The following CCDC125 variants were observed in gnomAD, a reference collection of about 807,000 sequenced individuals.
The protein encoded by CCDC125 is coiled-coil domain containing 125, also known as coiled-coil domain-containing protein 125.
A neutral mutation model predicts 57.4 loss-of-function variants in CCDC125; 43 were observed. That is an observed-to-expected ratio of 0.75 (90% CI 0.59 to 0.97). The LOEUF is 0.97. Among genes scored for constraint, CCDC125 ranks in the 50% least tolerant of loss-of-function variants. The pLI is 0.00. For synonymous variants in CCDC125, 187 were observed against 195.2 expected (o/e 0.96, Z 0.35); for missense variants, 563 against 595.7 (o/e 0.95, Z 0.57).
intron 1 of CCDC125, among the ~76,000 whole-genome samples, chr5:69,326,229 A>C (rs1760720666): frequency 6.6e-6 from 1 of 152,232 alleles, no homozygotes; most frequent in Admixed American, 6.5e-5. Context: ...TGAAATTAAC[A>C]TCAGAGTATA....
intron 1 of CCDC125, among the ~76,000 whole-genome samples, chr5:69,329,954 C>G (rs976719917): frequency 2.6e-5 from 4 of 152,206 alleles, no homozygotes; most frequent in African/African-American, 7.2e-5. Context: ...GAATAGATTA[C>G]AGTCTGTTAG....
At chr5:69,294,051 G>T in intron 9 of CCDC125, 3 of 636,536 alleles carry the variant, frequency 4.7e-6, no homozygotes, top group African/African-American at 2.0e-5. Context: ...AAATGGTGGA[G>T]CAAAGATGCA....
At chr5:69,288,424 C>G (rs1753858884) in intron 10 of CCDC125, among the ~76,000 whole-genome samples, 1 of 152,082 alleles carries the variant, frequency 6.6e-6, no homozygotes, top group Admixed American at 6.6e-5. Context: ...TGTACCGTGT[C>G]CATGTAATGA....
intron 8 of CCDC125, among the ~76,000 whole-genome samples, chr5:69,297,336 T>C (rs1318220479): frequency 6.6e-6 from 1 of 151,030 alleles, no homozygotes; most frequent in African/African-American, 2.5e-5. Context: ...CCACTGCGGC[T>C]GGCCTGTGCC....
At chr5:69,315,290 C>T (rs942792618) in intron 2 of CCDC125, among the ~76,000 whole-genome samples, 2 of 151,208 alleles carry the variant, frequency 1.3e-5, no homozygotes, top group Admixed American at 6.6e-5. Flanking sequence ...AGGCTGGGCA[C>T]GGTGGCTTAC....
At chr5:69,317,172 C>A (rs1000125340) in intron 2 of CCDC125, among the ~76,000 whole-genome samples, 1 of 152,042 alleles carries the variant, frequency 6.6e-6, no homozygotes, top group South Asian at 2.1e-4. Context: ...CCATGCCCAG[C>A]TAATTTTTTT....
chr5:69,300,510 A>T (rs964754737), intron 7 of CCDC125, among the ~76,000 whole-genome samples: 2 of 152,232 alleles, frequency 1.3e-5, no homozygotes, highest in African/African-American at 2.4e-5. Context: ...CATACCAGCT[A>T]TCCAAGCTCT....
chr5:69,306,213 C>T (rs1440854777), intron 6 of CCDC125, among the ~76,000 whole-genome samples: 1 of 151,890 alleles, frequency 6.6e-6, no homozygotes, highest in Non-Finnish European at 1.5e-5. Context: ...AGGTGTGAGC[C>T]ATCATGCCCA....
chr5:69,293,264 A>G (rs1199894888), intron 9 of CCDC125, among the ~76,000 whole-genome samples: 3 of 152,196 alleles, frequency 2.0e-5, no homozygotes, highest in Admixed American at 6.5e-5. Context: ...TCAGCCTCCC[A>G]AAGTGCTGAG....
rs1348902511 is a variant in CCDC125 at position 69,307,939 on chromosome 5, A to C, written c.531+12T>G. 6.2e-7 allele frequency: 1 copy of C among 1,603,238 alleles called. No homozygotes were observed. Among genetic ancestry groups the C allele is most frequent in the Non-Finnish European group, 8.5e-7 (1 of 1,170,216 alleles). On this transcript the variant is annotated intron_variant, in intron 5 of 11. Coordinates refer to ENST00000396496, the MANE Select transcript of CCDC125 (RefSeq NM_176816.5). ...TTGGATTCAATAAGTCTACACTAAA[A>C]GCACCAAATACCTTCTCCAAGGATC...
At chr5:69,307,880 T>C (rs1250386608) in intron 5 of CCDC125, 71 bp downstream of exon 5, 7 of 1,146,220 alleles carry the variant, frequency 6.1e-6, no homozygotes, top group South Asian at 3.7e-5. Context: ...TCCATTAGTA[T>C]GGTGAGTTTA....
intron 8 of CCDC125, among the ~76,000 whole-genome samples, chr5:69,298,445 G>A (rs985532598): frequency 7.9e-5 from 12 of 152,202 alleles, no homozygotes; most frequent in African/African-American, 2.9e-4. Flanking sequence ...TCACATCAGT[G>A]ATAACCGTGA....
At chr5:69,273,295 C>G in the CCDC125 span, among the ~76,000 whole-genome samples, 1 of 150,816 alleles carries the variant, frequency 6.6e-6, no homozygotes, top group African/African-American at 2.5e-5. Context: ...AAATACATGT[C>G]TATTTCACAT....
intron 3 of CCDC125, among the ~76,000 whole-genome samples, chr5:69,312,208 T>A (rs879430844): frequency 1.3e-5 from 2 of 152,318 alleles, no homozygotes; most frequent in East Asian, 1.9e-4. Context: ...GCTGGATTTC[T>A]GCAGCTACCA....
At chr5:69,321,562 G>A (rs191082446) in intron 1 of CCDC125, among the ~76,000 whole-genome samples, 1 of 152,332 alleles carries the variant, frequency 6.6e-6, no homozygotes, top group East Asian at 1.9e-4. Flanking sequence ...ACTGAATACT[G>A]TAGGAAATCG....
intron 11 of CCDC125, among the ~76,000 whole-genome samples, chr5:69,283,557 G>A (rs547492822): frequency 6.8e-6 from 1 of 147,704 alleles, no homozygotes; most frequent in East Asian, 2.0e-4. Flanking sequence ...TGGCTCTGTT[G>A]CCCAGGCTGG....
At chr5:69,330,907 T>A (rs1263431644) in intron 1 of CCDC125, among the ~76,000 whole-genome samples, 1 of 152,098 alleles carries the variant, frequency 6.6e-6, no homozygotes, top group East Asian at 1.9e-4. Context: ...AAGTCAATAA[T>A]ATCCAAGTGC....
At chr5:69,295,520 A>G (rs1452499014) in intron 8 of CCDC125, among the ~76,000 whole-genome samples, 1 of 152,158 alleles carries the variant, frequency 6.6e-6, no homozygotes, top group African/African-American at 2.4e-5. Flanking sequence ...CTGCTTCTAG[A>G]TTAGAGAGTA....
intron 8 of CCDC125, among the ~76,000 whole-genome samples, chr5:69,298,235 T>C (rs112667234): frequency 0.1 from 15,474 of 151,934 alleles, 872 homozygotes; most frequent in South Asian, 0.21. Context: ...AGGATGGTCT[T>C]GATCTCCTGA....
Sources: allele counts gnomAD v4.1 joint callset (sites outside exome capture counted in the v4.1 genomes callset), GRCh38; gene constraint gnomAD v4.1.1; transcripts MANE v1.5; gene names NCBI Gene and HGNC (gene_info 2026-07-23, HGNC 2026-07-21).